IP6K2: variants seen among roughly 807,000 people sequenced by gnomAD.
IP6K2 encodes the protein inositol hexakisphosphate kinase 2.
A neutral mutation model predicts 43.3 loss-of-function variants in IP6K2; 9 were observed. The ratio of observed to expected loss-of-function variants is 0.21; its 90% confidence interval spans 0.13 to 0.36. IP6K2 has a LOEUF of 0.36. IP6K2 is among the 10% of genes least tolerant of loss of function. The pLI is 1.00. For synonymous variants in IP6K2, 209 were observed against 202.4 expected, an observed-to-expected ratio of 1.03 and a Z score of -0.28; for missense variants, 332 against 538.4, an observed-to-expected ratio of 0.62 and a Z score of 3.79.
intron 2 of IP6K2, chr3:48,693,994 C>T (rs1272050760): frequency 4.8e-5 from 65 of 1,367,746 alleles, no homozygotes; most frequent in Non-Finnish European, 5.9e-5. Context: ...GCCTTACAAA[C>T]GACTGGCTGA....
chr3:48,695,988 C>T lies in IP6K2; in HGVS notation c.-130-567G>A, dbSNP rs1485467957. Among the ~76,000 whole-genome samples the T allele has an allele frequency of 2.6e-5, 4 of 151,466 alleles. No individual in the cohort carries two copies. Among genetic ancestry groups the T allele is most frequent in the African/African-American group, 9.7e-5 (4 of 41,202 alleles). On this transcript the variant is annotated intron_variant, in intron 1 of 5. Transcript: ENST00000328631. This position sits in a 1 kb window ranked among gnomAD's most constrained non-coding sequence, Gnocchi z 4.6. The stretch of plus-strand genomic sequence containing the variant: ...CAACCTCCGCCTCTCAGGGTTCAAG[C>T]CATTTTCCTGCCTCAGCCTCCCGAG...
chr3:48,702,824 T>C (rs992742925), intron 1 of IP6K2, among the ~76,000 whole-genome samples: 1 of 152,186 alleles, frequency 6.6e-6, no homozygotes, highest in Admixed American at 6.6e-5. Flanking sequence ...TATTCACTGC[T>C]GAATCTCCAG....
chr3:48,693,204 G>T (rs759000273), intron 2 of IP6K2, 25 bp from the exon 3 acceptor site: 2 of 1,576,862 alleles, frequency 1.3e-6, no homozygotes, highest in African/African-American at 1.4e-5. Flanking sequence ...GGAGCAGAAA[G>T]AACTTTTAAT....
intron 1 of IP6K2, among the ~76,000 whole-genome samples, chr3:48,703,141 G>A (rs2079256294): frequency 6.6e-6 from 1 of 152,178 alleles, no homozygotes; most frequent in Non-Finnish European, 1.5e-5. Context: ...ACATTCATCT[G>A]AGACCTGCTG....
chr3:48,706,080 G>GC (rs2079739172), intron 1 of IP6K2, among the ~76,000 whole-genome samples: 1 of 151,400 alleles, frequency 6.6e-6, no homozygotes. Context: ...GGTGGTGGGC[G>GC]CCTATATTCC....
In IP6K2 at chr3:48,695,035, C is replaced by T. The variant is rs758231437; in HGVS notation, c.202+55G>A. On this transcript the variant is annotated intron_variant, in intron 2 of 5. Transcript: ENST00000328631. This position sits in a 1 kb window ranked among gnomAD's most constrained non-coding sequence, Gnocchi z 4.6. Reference sequence around the variant, plus strand: ...TGGCTGCCAGGGCCTTCCATGGCCACGATCTCTCACATCTCCTCGCCAGTG... The same window carrying T: ...TGGCTGCCAGGGCCTTCCATGGCCATGATCTCTCACATCTCCTCGCCAGTG... 5.9e-5 allele frequency: 96 copies of T among 1,613,908 alleles called. No individual in the cohort carries two copies. Among genetic ancestry groups the T allele is most frequent in the Middle Eastern group, 1.6e-4 (1 of 6,082 alleles).
chr3:48,713,131 G>A (rs972130768), intron 1 of IP6K2, among the ~76,000 whole-genome samples: 7 of 152,194 alleles, frequency 4.6e-5, no homozygotes, highest in African/African-American at 1.7e-4. Context: ...TTTCATACTT[G>A]CAAAGCAAAA....
intron 1 of IP6K2, among the ~76,000 whole-genome samples, chr3:48,697,601 A>G (rs766267214): frequency 6.9e-6 from 1 of 145,392 alleles, no homozygotes; most frequent in Non-Finnish European, 1.5e-5. Context: ...CTGGCCTCCC[A>G]AAGTGCTGGG....
chr3:48,715,467 A>G, intron 1 of IP6K2: 1 of 1,535,628 alleles, frequency 6.5e-7, no homozygotes, highest in Non-Finnish European at 8.7e-7. Flanking sequence ...TTCCTGGCAC[A>G]TTCCACTGCT....
chr3:48,703,718 AAAAAC>A (rs752659580), intron 1 of IP6K2, among the ~76,000 whole-genome samples: 1 of 152,100 alleles, frequency 6.6e-6, no homozygotes, highest in Non-Finnish European at 1.5e-5. Flanking sequence ...CTCTGTCTCA[AAAAAC>A]AAAACAAAAC....
chr3:48,691,691 G>T (rs1039219312), intron 3 of IP6K2, among the ~76,000 whole-genome samples: 2 of 151,910 alleles, frequency 1.3e-5, no homozygotes, highest in Non-Finnish European at 2.9e-5. Flanking sequence ...TGGTGTGCTC[G>T]GGAGGCTGAG....
At position 48,691,800 on chromosome 3, in the gene IP6K2, C is replaced by A. The variant is rs183583769; in HGVS notation, c.429-318G>T. ...CCTGGGCAACAGAACAAGAAAGACT[C>A]AAAAAATAAATAAATAAATAAATAA... On this transcript the variant is annotated intron_variant, in intron 3 of 5. Transcript: ENST00000328631. Among the ~76,000 whole-genome samples, 32 of 140,800 alleles carry A rather than the reference C, an allele frequency of 2.3e-4. No homozygotes were observed. In the East Asian group the frequency reaches 6.1e-3, roughly 27 times the overall value. 92.4% of individuals were successfully genotyped at this position (140,800 alleles called of 152,430 possible).
intron 1 of IP6K2, among the ~76,000 whole-genome samples, chr3:48,714,098 C>T (rs1421176295): frequency 6.6e-6 from 1 of 152,244 alleles, no homozygotes; most frequent in Non-Finnish European, 1.5e-5. Flanking sequence ...GCCTGGGTGA[C>T]AGAGCGAGAC....
chr3:48,708,477 C>T (rs894063716), intron 1 of IP6K2, among the ~76,000 whole-genome samples: 3 of 151,968 alleles, frequency 2.0e-5, no homozygotes, highest in Admixed American at 6.6e-5. Flanking sequence ...GTGATCCTTC[C>T]GCCTTAGTCT....
intron 1 of IP6K2, among the ~76,000 whole-genome samples, chr3:48,696,338 G>A: frequency 6.6e-6 from 1 of 152,144 alleles, no homozygotes; most frequent in Non-Finnish European, 1.5e-5. Context: ...TAGCAATGGA[G>A]CTTGGGTCTA....
chr3:48,703,323 T>C (rs527257252), intron 1 of IP6K2, among the ~76,000 whole-genome samples: 94 of 152,330 alleles, frequency 6.2e-4, no homozygotes, highest in African/African-American at 2.0e-3. Context: ...AAAACAAATA[T>C]ATTAACCAGC....
At chr3:48,691,032 C>T (rs1440857357) in intron 4 of IP6K2, among the ~76,000 whole-genome samples, 1 of 152,018 alleles carries the variant, frequency 6.6e-6, no homozygotes, top group Non-Finnish European at 1.5e-5. Flanking sequence ...TAGGCTAAAG[C>T]CCACCTGATG....
At chr3:48,693,406 G>T in intron 2 of IP6K2, 1 of 1,259,194 alleles carries the variant, frequency 7.9e-7, no homozygotes, top group Non-Finnish European at 1.1e-6. Context: ...CTTCCTCTCT[G>T]ATGTACTCAA....
rs79643114 is a variant in IP6K2, at chr3:48,688,884, A to G, written c.781-111T>C. On this transcript the variant is annotated intron_variant, in intron 5 of 5. Coordinates refer to ENST00000328631, the MANE Select transcript of IP6K2 (RefSeq NM_016291.4). This position sits in a 1 kb window ranked among gnomAD's most constrained non-coding sequence, Gnocchi z 5.1. ...CGGCATGTGACAGCCCAGATCAGAT[A>G]AAGTACACCAGTTGCACATGAGCCA... is the stretch of plus-strand genomic sequence containing the variant. 2 of 1,150,892 alleles carry G rather than the reference A, an allele frequency of 1.7e-6. No individual in the cohort carries two copies. Among genetic ancestry groups the G allele is most frequent in the African/African-American group, 3.1e-5 (2 of 64,830 alleles). 71.3% of individuals were successfully genotyped at this position (1,150,892 alleles called of 1,614,324 possible). A position where few individuals can be genotyped will look rare whatever the true frequency, so the allele number is the denominator to read the frequency against.
Sources: gnomAD v4.1 joint callset for allele counts (sites outside exome capture counted in the v4.1 genomes callset) on GRCh38, gnomAD v4.1.1 for gene constraint, Gnocchi (gnomAD v3.1) non-coding constraint, MANE v1.5 for transcripts, NCBI Gene and HGNC (gene_info 2026-07-23, HGNC 2026-07-21) for gene names.